The following ERAP1 variants were observed in gnomAD, a reference collection of about 807,000 sequenced individuals.
The protein encoded by ERAP1 is adipocyte-derived leucine aminopeptidase.
In ERAP1, 86 loss-of-function variants were observed where a neutral mutation model predicts 103.7. That is an observed-to-expected ratio of 0.83 (90% CI 0.70 to 0.99). ERAP1 has a LOEUF of 0.99. ERAP1 is among the 50% of genes least tolerant of loss of function. ERAP1 has a pLI of 0.00. For missense variants in ERAP1, 1,009 were observed against 1,128.4 expected (o/e 0.89, Z 1.52); for synonymous variants, 398 against 402.4 (o/e 0.99, Z 0.13).
the ERAP1 span, among the ~76,000 whole-genome samples, chr5:96,847,609 T>C: frequency 6.6e-6 from 1 of 152,158 alleles, no homozygotes; most frequent in Non-Finnish European, 1.5e-5. Flanking sequence ...AAGATAGAAC[T>C]CATATTGAGT....
chr5:96,766,098 G>T, intron 19 of ERAP1: 1 of 1,611,688 alleles, frequency 6.2e-7, no homozygotes, highest in South Asian at 1.1e-5. Context: ...AGAAAGAGAT[G>T]ACACTATCCC....
chr5:96,914,349 G>A, the ERAP1 span, among the ~76,000 whole-genome samples: 1 of 152,156 alleles, frequency 6.6e-6, no homozygotes, highest in Non-Finnish European at 1.5e-5. Flanking sequence ...AGCCGTGGAA[G>A]GTTTAGAGTC....
the ERAP1 span, among the ~76,000 whole-genome samples, chr5:96,907,027 T>C: frequency 3.9e-5 from 6 of 152,142 alleles, no homozygotes; most frequent in African/African-American, 1.4e-4. Flanking sequence ...AAACTCCATC[T>C]CAAAAACAAA....
chr5:96,909,597 T>C, the ERAP1 span: 7 of 1,614,146 alleles, frequency 4.3e-6, no homozygotes, highest in Non-Finnish European at 5.9e-6. Flanking sequence ...TTCTTCAGTA[T>C]TTTAAGCCAG....
chr5:96,858,411 C>G, the ERAP1 span, among the ~76,000 whole-genome samples: 1 of 152,080 alleles, frequency 6.6e-6, no homozygotes. Context: ...GACAGAGTTT[C>G]ACCATGTTGG....
At chr5:96,874,849 T>C in the ERAP1 span, among the ~76,000 whole-genome samples, 14 of 152,368 alleles carry the variant, frequency 9.2e-5, 1 homozygote, top group East Asian at 2.1e-3. Flanking sequence ...TACAAGTCTA[T>C]GAAGAGTGTC....
chr5:96,801,793 G>A (rs30334), intron 2 of ERAP1, among the ~76,000 whole-genome samples: 104,191 of 145,652 alleles, frequency 0.72, 37,815 homozygotes, highest in Non-Finnish European at 0.79. Context: ...CGGAGGTTGC[G>A]GTGAGCCGAG....
At chr5:96,916,046 C>T in the ERAP1 span, among the ~76,000 whole-genome samples, 1 of 151,906 alleles carries the variant, frequency 6.6e-6, no homozygotes, top group Non-Finnish European at 1.5e-5. Flanking sequence ...TATGGTGAAA[C>T]CCTGTCTCTA....
chr5:96,898,386 A>G, the ERAP1 span, among the ~76,000 whole-genome samples: 2 of 151,620 alleles, frequency 1.3e-5, no homozygotes, highest in Non-Finnish European at 2.9e-5. Flanking sequence ...CACAGCTCCT[A>G]TTTTTTACTT....
chr5:96,767,902 C>A, intron 19 of ERAP1: 1 of 1,604,664 alleles, frequency 6.2e-7, no homozygotes, highest in Non-Finnish European at 8.5e-7. Flanking sequence ...CTACTCATAT[C>A]TCAGAAACCT....
chr5:96,793,464 T>C lies in ERAP1; in HGVS notation c.1124A>G (p.Asn375Ser), dbSNP rs1776962956. ...CTCCATAAATTTGGCAAATCCTTCATTTAGCCAAAGATCATTCCACCATTC... is the reference window on the plus strand; with the variant it reads ...CTCCATAAATTTGGCAAATCCTTCACTTAGCCAAAGATCATTCCACCATTC... ...TMEWWNDLWLNEGFAKFMEFV... is the reference protein window; with the variant it reads ...TMEWWNDLWLSEGFAKFMEFV... Residue 375 changes from asparagine to serine, a missense_variant, in exon 7 of 19, where the codon AAT becomes AGT. Physicochemically the swap from Asn to Ser is conservative, Grantham distance 46. This residue lies in a region of ERAP1 where 392 missense variants were observed against 455.2 expected (regional missense o/e 0.86). Transcript: ENST00000443439. 1 of 1,613,824 alleles carries C rather than the reference T, an allele frequency of 6.2e-7. No individual in the cohort carries two copies. The highest frequency in any genetic ancestry group is 1.3e-5 in the African/African-American group (1 of 74,926).
the ERAP1 span, among the ~76,000 whole-genome samples, chr5:96,905,050 A>G: frequency 6.6e-6 from 1 of 152,200 alleles, no homozygotes; most frequent in African/African-American, 2.4e-5. Context: ...TATCCGATAT[A>G]CAAGGTTTGG....
At chr5:96,853,223 G>A in the ERAP1 span, among the ~76,000 whole-genome samples, 1 of 152,148 alleles carries the variant, frequency 6.6e-6, no homozygotes, top group East Asian at 1.9e-4. Flanking sequence ...ACTGACAAAG[G>A]AATAGCCAAA....
chr5:96,821,838 T>C, the ERAP1 span, among the ~76,000 whole-genome samples: 100,396 of 152,048 alleles, frequency 0.66, 33,646 homozygotes, highest in Non-Finnish European at 0.72. Flanking sequence ...TTATGTCTGC[T>C]CTGTCAGGTG....
At chr5:96,842,737 A>T in the ERAP1 span, among the ~76,000 whole-genome samples, 33 of 151,866 alleles carry the variant, frequency 2.2e-4, no homozygotes, top group African/African-American at 7.7e-4. Context: ...TTGTCTGTCT[A>T]CTCTGCTGAT....
chr5:96,766,370 A>G lies in ERAP1; in HGVS notation c.2819-3142T>C, dbSNP rs26480. ...CTCTGTGGTATAAACAGGGTTGAAT[A>G]CTGTTCAGTCACTCACAGATGCTTA... On this transcript the variant is annotated intron_variant, in intron 19 of 19. Coordinates refer to the ERAP1 transcript ENST00000296754. Among the ~76,000 whole-genome samples, 12 of 152,332 alleles carry G rather than the reference A, an allele frequency of 7.9e-5. No individual in the cohort carries two copies. In the South Asian group the frequency reaches 2.5e-3, roughly 32 times the overall value.
chr5:96,801,150 A>C (rs1260191846), intron 2 of ERAP1, 150 bp from the exon 3 acceptor site: 7 of 894,796 alleles, frequency 7.8e-6, no homozygotes, highest in South Asian at 1.6e-5. Flanking sequence ...TCATAAACTA[A>C]GTTAAAAGAC....
the ERAP1 span, chr5:96,879,569 A>C: frequency 1.4e-6 from 1 of 707,768 alleles, no homozygotes; most frequent in South Asian, 2.0e-5. Flanking sequence ...TCTAGATTAA[A>C]TTCATGTATT....
At chr5:96,794,689 A>G (rs931138253) in intron 5 of ERAP1, among the ~76,000 whole-genome samples, 1 of 152,256 alleles carries the variant, frequency 6.6e-6, no homozygotes, top group African/African-American at 2.4e-5. Context: ...TATTCATTCA[A>G]AACAGTTTGT....
Sources: gnomAD v4.1 joint callset for allele counts (sites outside exome capture counted in the v4.1 genomes callset) on GRCh38, gnomAD v4.1.1 for gene constraint, gnomAD v4.1.1 regional missense constraint, MANE v1.5 for transcripts, NCBI Gene and HGNC (gene_info 2026-07-23, HGNC 2026-07-21) for gene names.